The following NRG2 variants were observed in gnomAD, a reference collection of about 807,000 sequenced individuals.
NRG2 encodes pro-neuregulin-2, membrane-bound isoform.
In NRG2, 27 loss-of-function variants were observed where a neutral mutation model predicts 73.9. The ratio of observed to expected loss-of-function variants is 0.37; its 90% CI spans 0.27 to 0.50. The LOEUF (loss-of-function observed/expected upper bound fraction) is 0.50, where lower values mean the gene tolerates loss of function less well. Among genes scored for constraint, NRG2 ranks in the 20% least tolerant of loss-of-function variants. The pLI is 0.96. For missense variants in NRG2, 1,126 were observed against 1,210.1 expected (o/e 0.93, Z 1.03); for synonymous variants, 532 against 541.0 (o/e 0.98, Z 0.23).
In NRG2 at chr5:139,848,469, G is replaced by GCCGGGC. The variant is rs933769137; in HGVS notation, c.1995_2000dup (p.Pro666_Gly667dup). The GCCGGGC allele has an allele frequency of 5.2e-5, 69 of 1,336,726 alleles. 2 individuals are homozygous for GCCGGGC. The highest frequency in any genetic ancestry group is 5.5e-4 in the Middle Eastern group (2 of 3,652). The allele number at this position is 1,336,726 out of a possible 1,614,324, so 82.8% of individuals were successfully genotyped here. Reference sequence around the variant, plus strand: ...TGTCATAGCTGCGCTGCATGTCTGCGCCGGGCCCGGGCCCGGGCCCGGGTC... The same window carrying GCCGGGC: ...TGTCATAGCTGCGCTGCATGTCTGCGCCGGGCCCGGGCCCGGGCCCGGGCCCGGGTC... On this transcript the variant is annotated inframe_insertion, in exon 10 of 10. Coordinates refer to ENST00000361474, the MANE Select transcript of NRG2 (RefSeq NM_004883.3).
intron 1 of NRG2, among the ~76,000 whole-genome samples, chr5:140,006,536 A>T (rs1281245025): frequency 1.3e-5 from 2 of 152,264 alleles, no homozygotes; most frequent in Admixed American, 1.3e-4. Flanking sequence ...AAAATTGGTT[A>T]TAATAATGTT....
At chr5:139,992,058 G>C (rs1235832397) in intron 1 of NRG2, among the ~76,000 whole-genome samples, 3 of 151,970 alleles carry the variant, frequency 2.0e-5, no homozygotes, top group Non-Finnish European at 4.4e-5. Flanking sequence ...AAACGCTGTA[G>C]GTCAAATAGG....
chr5:139,883,052 G>T (rs1763634897), intron 2 of NRG2, among the ~76,000 whole-genome samples: 1 of 152,040 alleles, frequency 6.6e-6, no homozygotes, highest in East Asian at 1.9e-4. Context: ...GGCTCTGAGG[G>T]TTTCTCAGCC....
chr5:139,849,319 C>T (rs1313878514), intron 9 of NRG2, among the ~76,000 whole-genome samples: 2 of 152,192 alleles, frequency 1.3e-5, no homozygotes, highest in Non-Finnish European at 2.9e-5. Context: ...ACCCCTGTGA[C>T]CTGGCCTCAC....
chr5:139,913,344 GT>G (rs1331021369), intron 1 of NRG2, among the ~76,000 whole-genome samples: 1 of 152,232 alleles, frequency 6.6e-6, no homozygotes, highest in African/African-American at 2.4e-5. Context: ...CTCTGAAGCA[GT>G]GGGTCCTGAA....
At chr5:140,020,744 A>G (rs1268228795) in intron 1 of NRG2, among the ~76,000 whole-genome samples, 1 of 152,244 alleles carries the variant, frequency 6.6e-6, no homozygotes, top group Admixed American at 6.5e-5. Context: ...ATAGCTTTTC[A>G]TGTAGAAAAA....
In NRG2 at chr5:139,851,578, G is replaced by T; in HGVS notation, c.1772+26C>A. ...GGTGCCAGCCCTCTGGCTAAGCGGG[G>T]AATAGGTCAGGGGGTAGGAACTGAC... On this transcript the variant is annotated intron_variant, in intron 9 of 9. Transcript: ENST00000361474. This position sits in a 1 kb window ranked among gnomAD's most constrained non-coding sequence, Gnocchi z 4.2. 1 of 1,607,340 alleles carries T rather than the reference G, an allele frequency of 6.2e-7. No homozygotes were observed. Among genetic ancestry groups the T allele is most frequent in the Non-Finnish European group, 8.5e-7 (1 of 1,174,594 alleles).
rs1055328914 is a variant in NRG2 at position 139,853,847 on chromosome 5, A to C, written c.1293-820T>G. Among the ~76,000 whole-genome samples the C allele has an allele frequency of 6.6e-6, 1 of 152,188 alleles. No individual in the cohort carries two copies. On this transcript the variant is annotated intron_variant, in intron 6 of 9. Coordinates refer to ENST00000361474, the MANE Select transcript of NRG2 (RefSeq NM_004883.3). This position sits in a 1 kb window ranked among gnomAD's most constrained non-coding sequence, Gnocchi z 4.1. ...AAACTAGTTAGAAGGAAAAAGACCT[A>C]GTATTCAATAGCATATGGGGTGACT...
At chr5:139,972,650 G>A (rs1250449364) in intron 1 of NRG2, among the ~76,000 whole-genome samples, 3 of 152,228 alleles carry the variant, frequency 2.0e-5, no homozygotes, top group South Asian at 4.1e-4. Flanking sequence ...CTCGAACCCA[G>A]GAGGCAGAGG....
At chr5:139,947,908 G>A (rs1388861699) in intron 1 of NRG2, among the ~76,000 whole-genome samples, 4 of 152,084 alleles carry the variant, frequency 2.6e-5, no homozygotes, top group Non-Finnish European at 4.4e-5. Flanking sequence ...TTTTATTGTG[G>A]TAAAATGCAC....
intron 1 of NRG2, among the ~76,000 whole-genome samples, chr5:139,980,190 G>C (rs1275465695): frequency 2.6e-5 from 4 of 152,090 alleles, no homozygotes; most frequent in African/African-American, 9.7e-5. Context: ...ACTGGAAACA[G>C]CTCAGCAGTC....
At chr5:139,897,971 G>T (rs1407485708) in intron 1 of NRG2, among the ~76,000 whole-genome samples, 1 of 152,218 alleles carries the variant, frequency 6.6e-6, no homozygotes, top group Non-Finnish European at 1.5e-5. Flanking sequence ...AACAGGAGTG[G>T]CCAGCTAGGT....
intron 5 of NRG2, among the ~76,000 whole-genome samples, chr5:139,864,157 G>T (rs1054023646): frequency 1.3e-5 from 2 of 152,150 alleles, no homozygotes; most frequent in African/African-American, 4.8e-5. Context: ...GGCCTAGCCT[G>T]CTCTGCAGGA....
At chr5:139,940,866 G>C (rs1025593845) in intron 1 of NRG2, among the ~76,000 whole-genome samples, 4 of 152,184 alleles carry the variant, frequency 2.6e-5, no homozygotes, top group African/African-American at 9.7e-5. Flanking sequence ...CTGATACAGG[G>C]AAGTACAGGA....
chr5:140,020,119 G>A (rs1215349653), intron 1 of NRG2, among the ~76,000 whole-genome samples: 1 of 152,196 alleles, frequency 6.6e-6, no homozygotes, highest in Non-Finnish European at 1.5e-5. Context: ...GAGGACAGAG[G>A]ATTAGTGGCT....
rs749589085 is a variant in NRG2, at chr5:139,852,855, C to T, written c.1416+49G>A. The T allele has an allele frequency of 1.2e-6, 2 of 1,609,828 alleles. No individual in the cohort carries two copies. The highest frequency in any genetic ancestry group is 1.7e-6 in the Non-Finnish European group (2 of 1,179,076). ...CATCCTTGCAGGGGGCATGAGAAGG[C>T]TGGCTGTCCACTGAGGGCTCAGAAG... On this transcript the variant is annotated intron_variant, in intron 7 of 9. Coordinates refer to ENST00000361474, the MANE Select transcript of NRG2 (RefSeq NM_004883.3). The surrounding 1 kb of genome is among the most constrained non-coding windows in gnomAD (Gnocchi z 4.4).
At chr5:139,985,059 A>T (rs1223527545) in intron 1 of NRG2, among the ~76,000 whole-genome samples, 1 of 152,162 alleles carries the variant, frequency 6.6e-6, no homozygotes, top group African/African-American at 2.4e-5. Flanking sequence ...GATGTAGATG[A>T]GTCAAAAAGT....
rs549545243 is a variant in NRG2, at chr5:139,894,073, C to G, written c.701-6562G>C. Among the ~76,000 whole-genome samples the G allele has an allele frequency of 5.9e-4, 90 of 152,334 alleles. No individual in the cohort carries two copies. Among genetic ancestry groups the G allele is most frequent in the African/African-American group, 2.1e-3 (87 of 41,578 alleles). On this transcript the variant is annotated intron_variant, in intron 1 of 9. Transcript: ENST00000361474. This position sits in a 1 kb window ranked among gnomAD's most constrained non-coding sequence, Gnocchi z 5.0. ...GCCCTGAGACCAGGGGGTGCCGCTG[C>G]TGCCAGCAGCTTAACCTCATTCCTC...
Position 140,042,446 on chromosome 5 carries a change from C to G in NRG2, c.624G>C (p.Lys208Asn). 1 of 1,612,202 alleles carries G rather than the reference C, an allele frequency of 6.2e-7. No homozygotes were observed. Among genetic ancestry groups the G allele is most frequent in the Non-Finnish European group, 8.5e-7 (1 of 1,179,262 alleles). ...LEPTEQPLVF[K>N]TAFAPLDTNG... ...TGGTATCGAGGGGGGCAAAGGCCGT[C>G]TTAAAGACTAAGGGCTGTTCCGTGG... Residue 208 changes from lysine to asparagine, a missense_variant, in exon 1 of 10, where the codon AAG becomes AAC. By Grantham distance (94) the Lys-to-Asn change is moderately conservative (BLOSUM62 0). Coordinates refer to ENST00000361474, the MANE Select transcript of NRG2 (RefSeq NM_004883.3).
Sources: allele counts gnomAD v4.1 joint callset (sites outside exome capture counted in the v4.1 genomes callset), GRCh38; gene constraint gnomAD v4.1.1; non-coding constraint Gnocchi (gnomAD v3.1); transcripts MANE v1.5; gene names NCBI Gene and HGNC (gene_info 2026-07-23, HGNC 2026-07-21).